DOCK3: variants seen among roughly 807,000 people sequenced by gnomAD.
DOCK3 encodes dedicator of cytokinesis 3, also known as dedicator of cytokinesis protein 3.
In DOCK3, 60 loss-of-function variants were observed where a neutral mutation model predicts 265.6. The observed-to-expected ratio is 0.23, with a 90% CI of 0.18 to 0.28. DOCK3 has a LOEUF of 0.28. Ranked by LOEUF, DOCK3 falls within the 10% of genes least tolerant of loss-of-function variation. The probability of loss-of-function intolerance (pLI) is 1.00; values close to 1 mark genes in which losing one functional copy is unlikely to be tolerated. For missense variants in DOCK3, 1,981 were observed against 2,594.3 expected, an observed-to-expected ratio of 0.76 and a Z score of 5.14; for synonymous variants, 881 against 938.0, an observed-to-expected ratio of 0.94 and a Z score of 1.11.
chr3:51,248,957 C>T (rs1276097144), intron 22 of DOCK3, among the ~76,000 whole-genome samples: 1 of 149,138 alleles, frequency 6.7e-6, no homozygotes, highest in Non-Finnish European at 1.5e-5. Context: ...CTCCGCCCGG[C>T]AGCCGCCCCT....
At chr3:51,137,566 T>C (rs913667680) in intron 9 of DOCK3, among the ~76,000 whole-genome samples, 1 of 152,154 alleles carries the variant, frequency 6.6e-6, no homozygotes, top group Non-Finnish European at 1.5e-5. Flanking sequence ...TTGCCATCAG[T>C]GAAGGCATGT....
At chr3:51,032,119 C>CGTGTGTGTGTGTGT (rs1199409161) in intron 5 of DOCK3, among the ~76,000 whole-genome samples, 56 of 149,094 alleles carry the variant, frequency 3.8e-4, no homozygotes, top group East Asian at 2.8e-3. Flanking sequence ...CCTCCCTCCT[C>CGTGTGTGTGTGTGT]GTGTGTGTGT....
At chr3:51,264,696 G>A (rs954789679) in intron 23 of DOCK3, among the ~76,000 whole-genome samples, 4 of 151,874 alleles carry the variant, frequency 2.6e-5, no homozygotes, top group Admixed American at 2.0e-4. Context: ...GCATGGTGGC[G>A]GTTACGTGTA....
intron 2 of DOCK3, among the ~76,000 whole-genome samples, chr3:50,800,142 C>T (rs1396487656): frequency 6.6e-6 from 1 of 152,110 alleles, no homozygotes; most frequent in Non-Finnish European, 1.5e-5. Flanking sequence ...GGGATATTGG[C>T]ATGTAGTTTT....
intron 5 of DOCK3, among the ~76,000 whole-genome samples, chr3:50,939,451 C>G (rs981693005): frequency 6.6e-6 from 1 of 152,024 alleles, no homozygotes; most frequent in Non-Finnish European, 1.5e-5. Flanking sequence ...TGGAGTATCT[C>G]TTATGTTTGT....
chr3:51,135,960 T>A (rs2084775072), intron 9 of DOCK3, among the ~76,000 whole-genome samples: 1 of 152,128 alleles, frequency 6.6e-6, no homozygotes, highest in Non-Finnish European at 1.5e-5. Flanking sequence ...TCCTCCTGCC[T>A]TGGTCTCCCA....
intron 5 of DOCK3, among the ~76,000 whole-genome samples, chr3:50,998,055 A>C (rs946887659): frequency 2.6e-5 from 4 of 152,156 alleles, no homozygotes; most frequent in Non-Finnish European, 5.9e-5. Flanking sequence ...TACTTTTTGA[A>C]TGTTTTCTAT....
At chr3:50,819,915 T>C (rs114025812) in intron 2 of DOCK3, among the ~76,000 whole-genome samples, 20,163 of 152,062 alleles carry the variant, frequency 0.13, 1,768 homozygotes, top group Non-Finnish European at 0.18. Flanking sequence ...TGACCCGAGA[T>C]CGCATCACTG....
chr3:50,711,796 G>T (rs1159173180), intron 1 of DOCK3, among the ~76,000 whole-genome samples: 2 of 152,084 alleles, frequency 1.3e-5, no homozygotes, highest in African/African-American at 4.8e-5. Context: ...AAGCCATCTG[G>T]GCTGTGCTTT....
At chr3:50,766,619 A>T (rs1177024653) in intron 1 of DOCK3, among the ~76,000 whole-genome samples, 2 of 152,120 alleles carry the variant, frequency 1.3e-5, no homozygotes, top group Non-Finnish European at 2.9e-5. Flanking sequence ...ATGATTTATA[A>T]TCCTTTGGGC....
intron 27 of DOCK3, among the ~76,000 whole-genome samples, chr3:51,283,995 T>TA (rs770273600): frequency 2.0e-5 from 3 of 151,776 alleles, no homozygotes; most frequent in Non-Finnish European, 2.9e-5. Context: ...TTTACACACT[T>TA]ACATTCGTGA....
At chr3:50,768,686 T>C (rs1350861772) in intron 1 of DOCK3, among the ~76,000 whole-genome samples, 4 of 152,248 alleles carry the variant, frequency 2.6e-5, no homozygotes, top group Non-Finnish European at 5.9e-5. Flanking sequence ...TTCCATATCT[T>C]GGCTGTTGTG....
At chr3:50,795,347 G>C (rs563046217) in intron 2 of DOCK3, among the ~76,000 whole-genome samples, 11 of 152,188 alleles carry the variant, frequency 7.2e-5, no homozygotes, top group African/African-American at 2.4e-4. Flanking sequence ...CACACTCCCT[G>C]TCTCTTTCAG....
At chr3:50,789,972 A>G (rs1363034209) in intron 2 of DOCK3, among the ~76,000 whole-genome samples, 5 of 152,210 alleles carry the variant, frequency 3.3e-5, no homozygotes, top group Non-Finnish European at 7.3e-5. Flanking sequence ...GGCCACAAGT[A>G]TCTGCCCACC....
At chr3:50,742,992 T>G (rs2039163546) in intron 1 of DOCK3, among the ~76,000 whole-genome samples, 1 of 152,190 alleles carries the variant, frequency 6.6e-6, no homozygotes. Flanking sequence ...ACAGCGGATC[T>G]CTCGGCAGAA....
intron 32 of DOCK3, among the ~76,000 whole-genome samples, chr3:51,328,880 C>T (rs146824613): frequency 4.9e-4 from 74 of 152,078 alleles, no homozygotes; most frequent in Middle Eastern, 6.8e-3. Flanking sequence ...GGGTCCAGTA[C>T]GGTGGCTCAT....
chr3:51,172,529 G>A (rs1375405350), intron 12 of DOCK3, among the ~76,000 whole-genome samples: 4 of 152,120 alleles, frequency 2.6e-5, no homozygotes, highest in Admixed American at 2.6e-4. Context: ...TCTCTTATAG[G>A]CAGCATATTG....
chr3:50,893,941 G>A (rs1458547395), intron 4 of DOCK3, among the ~76,000 whole-genome samples: 3 of 143,162 alleles, frequency 2.1e-5, no homozygotes, highest in Non-Finnish European at 4.5e-5. Context: ...TTGGGACACA[G>A]GAAGGGGAAC....
At chr3:51,077,087 A>G (rs1390274897) in intron 7 of DOCK3, among the ~76,000 whole-genome samples, 4 of 152,180 alleles carry the variant, frequency 2.6e-5, no homozygotes, top group Non-Finnish European at 1.5e-5. Context: ...TGAGGGAGGA[A>G]AGAGACCCAG....
Sources: allele counts gnomAD v4.1 joint callset (sites outside exome capture counted in the v4.1 genomes callset), GRCh38; gene constraint gnomAD v4.1.1; transcripts MANE v1.5; gene names NCBI Gene and HGNC (gene_info 2026-07-23, HGNC 2026-07-21).